Variants in DIPK1A observed in about 807,000 individuals in gnomAD.
DIPK1A encodes family with sequence similarity 69 member A.
In DIPK1A, 27 loss-of-function variants were observed where a neutral mutation model predicts 40.8. The observed-to-expected ratio is 0.66, with a 90% CI of 0.49 to 0.91. DIPK1A has a LOEUF of 0.91. DIPK1A is among the 40% of genes least tolerant of loss of function. The pLI is 0.00. For synonymous variants in DIPK1A, 166 were observed against 171.3 expected (o/e 0.97, Z 0.24); for missense variants, 412 against 505.7 (o/e 0.81, Z 1.78).
In DIPK1A at chr1:92,843,974, T is replaced by G. The variant is rs1687489604; in HGVS notation, c.696A>C (p.Glu232Asp). ...CGDLYVMESV[E>D]YTSLYGISLP... Reference sequence around the variant, plus strand: ...GGCTTATTCCATAAAGAGAGGTATATTCAACACTTTCCATCACATAGAGGT... The same window carrying G: ...GGCTTATTCCATAAAGAGAGGTATAGTCAACACTTTCCATCACATAGAGGT... Residue 232 changes from glutamate (E) to aspartate (D), a missense_variant, in exon 5 of 5, where the codon GAA becomes GAC. Glu to Asp is a conservative substitution (Grantham distance 45). Transcript: ENST00000370310. The G allele has an allele frequency of 1.3e-6, 2 of 1,552,038 alleles. No homozygotes were observed. Among genetic ancestry groups the G allele is most frequent in the Non-Finnish European group, 8.7e-7 (1 of 1,147,048 alleles).
At chr1:92,942,649 A>C (rs1180074981) in intron 1 of DIPK1A, among the ~76,000 whole-genome samples, 3 of 151,698 alleles carry the variant, frequency 2.0e-5, no homozygotes, top group Non-Finnish European at 4.4e-5. Flanking sequence ...ATACTTTGTT[A>C]ATTAGGTTTT....
intron 1 of DIPK1A, among the ~76,000 whole-genome samples, chr1:92,956,676 C>T (rs1363021190): frequency 6.6e-6 from 1 of 152,138 alleles, no homozygotes; most frequent in Non-Finnish European, 1.5e-5. Flanking sequence ...ACAAAATATC[C>T]ACATTAACTC....
intron 2 of DIPK1A, among the ~76,000 whole-genome samples, chr1:92,855,421 C>G (rs535831745): frequency 6.6e-6 from 1 of 151,988 alleles, no homozygotes. Context: ...CCCAACAGAC[C>G]GGCTCAGTGG....
chr1:92,859,248 T>G (rs1215909740), intron 2 of DIPK1A, among the ~76,000 whole-genome samples: 1 of 152,142 alleles, frequency 6.6e-6, no homozygotes, highest in Non-Finnish European at 1.5e-5. Context: ...CTGAGTTGGG[T>G]TAACAATGCC....
intron 2 of DIPK1A, among the ~76,000 whole-genome samples, chr1:92,861,710 G>A (rs1367943266): frequency 6.6e-6 from 1 of 152,112 alleles, no homozygotes; most frequent in Admixed American, 6.6e-5. Context: ...CATTTGTCCT[G>A]GTTGACCACA....
intron 2 of DIPK1A, among the ~76,000 whole-genome samples, chr1:92,870,922 C>G (rs1427872387): frequency 6.6e-6 from 1 of 152,204 alleles, no homozygotes; most frequent in Non-Finnish European, 1.5e-5. Context: ...GCCTTTGTTA[C>G]TACTGCAGTG....
rs1687431701 is a variant in DIPK1A, at chr1:92,842,859, GTA to G, written c.*522_*523del. 3.0e-6 allele frequency: 3 copies of G among 985,590 alleles called. No individual in the cohort carries two copies. The highest frequency in any genetic ancestry group is 3.6e-6 in the Non-Finnish European group (3 of 830,066). 61.1% of individuals were successfully genotyped at this position (985,590 alleles called of 1,614,324 possible). The stretch of plus-strand genomic sequence containing the variant: ...TGTCTGAATGAGGTTAAAAATGGGT[GTA>G]TAAGTCTTTAATACAGTAAACCATG... On this transcript the variant is annotated 3_prime_UTR_variant, in exon 5 of 5. Coordinates refer to ENST00000370310, the MANE Select transcript of DIPK1A (RefSeq NM_001006605.5).
intron 1 of DIPK1A, among the ~76,000 whole-genome samples, chr1:92,958,318 C>T (rs1571158276): frequency 1.3e-5 from 2 of 152,242 alleles, no homozygotes; most frequent in South Asian, 4.2e-4. Flanking sequence ...AGTAAGCTGA[C>T]TGCTTAAAAG....
intron 1 of DIPK1A, among the ~76,000 whole-genome samples, chr1:92,942,884 C>T (rs904772931): frequency 6.6e-6 from 1 of 152,128 alleles, no homozygotes; most frequent in Non-Finnish European, 1.5e-5. Flanking sequence ...AGGCTGGTCT[C>T]GAACTCCTGA....
chr1:92,910,543 G>A (rs1220105665), intron 1 of DIPK1A, among the ~76,000 whole-genome samples: 1 of 152,108 alleles, frequency 6.6e-6, no homozygotes, highest in African/African-American at 2.4e-5. Context: ...AATAGTGCCA[G>A]TGACTAGAGT....
intron 1 of DIPK1A, among the ~76,000 whole-genome samples, chr1:92,902,606 G>C (rs1001480543): frequency 1.6e-4 from 24 of 152,192 alleles, no homozygotes; most frequent in Non-Finnish European, 2.9e-4. Flanking sequence ...AAAACTGCAG[G>C]GGACCCTAAT....
intron 1 of DIPK1A, among the ~76,000 whole-genome samples, chr1:92,915,410 T>C (rs1036566389): frequency 2.0e-5 from 3 of 152,188 alleles, no homozygotes; most frequent in Admixed American, 2.0e-4. Context: ...CTATAAAATG[T>C]AATTAAAATA....
chr1:92,948,490 C>T lies in DIPK1A; in HGVS notation c.54+12886G>A, dbSNP rs962944496. 2.6e-4 allele frequency among the ~76,000 whole-genome samples: 40 copies of T among 151,322 alleles called. 1 individual carries two copies. The highest frequency in any genetic ancestry group is 5.2e-4 in the Non-Finnish European group (35 of 67,850). ...ATAGAGACGGGTTCTCATTATGTTG[C>T]CCAGGCTGGTCTCGAACTCTTGAGC... On this transcript the variant is annotated intron_variant, in intron 1 of 4. Transcript: ENST00000370310.
At chr1:92,880,677 G>A (rs1189566588) in intron 1 of DIPK1A, among the ~76,000 whole-genome samples, 1 of 151,658 alleles carries the variant, frequency 6.6e-6, no homozygotes, top group East Asian at 1.9e-4. Context: ...GCCCATCCTG[G>A]CCAATATGCT....
chr1:92,950,955 A>G (rs1338327193), intron 1 of DIPK1A, among the ~76,000 whole-genome samples: 1 of 152,200 alleles, frequency 6.6e-6, no homozygotes, highest in African/African-American at 2.4e-5. Context: ...TTTTTTTACT[A>G]TTAGAATTCA....
intron 1 of DIPK1A, among the ~76,000 whole-genome samples, chr1:92,947,108 C>G (rs1407825184): frequency 6.6e-6 from 1 of 152,022 alleles, no homozygotes; most frequent in Non-Finnish European, 1.5e-5. Context: ...TACGACTATA[C>G]TCATCTATTA....
chr1:92,919,345 C>T (rs139397471), intron 1 of DIPK1A, among the ~76,000 whole-genome samples: 1,830 of 152,300 alleles, frequency 0.012, 77 homozygotes, highest in Admixed American at 0.081. Context: ...CTCTCACCAC[C>T]GCTTGTATCA....
intron 2 of DIPK1A, among the ~76,000 whole-genome samples, chr1:92,868,763 C>T (rs1328691882): frequency 1.3e-5 from 2 of 151,942 alleles, no homozygotes; most frequent in Non-Finnish European, 2.9e-5. Context: ...GTCAGGAGTT[C>T]GAGACCAGCC....
intron 2 of DIPK1A, among the ~76,000 whole-genome samples, chr1:92,855,293 A>T (rs1011230690): frequency 9.2e-5 from 14 of 152,202 alleles, no homozygotes; most frequent in African/African-American, 3.1e-4. Context: ...TGAAAATTAT[A>T]GCAATTTCCA....
Sources: allele counts gnomAD v4.1 joint callset (sites outside exome capture counted in the v4.1 genomes callset), GRCh38; gene constraint gnomAD v4.1.1; transcripts MANE v1.5; gene names NCBI Gene and HGNC (gene_info 2026-07-23, HGNC 2026-07-21).